RBM34: variants seen among roughly 807,000 people sequenced by gnomAD.
RBM34 encodes RNA-binding protein 34.
Under a neutral mutation model 44.6 loss-of-function variants are expected in RBM34, and 39 were observed. The ratio of observed to expected loss-of-function variants is 0.87; its 90% CI spans 0.68 to 1.14. The LOEUF is 1.14. RBM34 is among the 50% of genes most tolerant of loss of function. RBM34 has a pLI of 0.00. For missense variants in RBM34, 572 were observed against 517.9 expected (o/e 1.10, Z -1.01); for synonymous variants, 194 against 184.0 (o/e 1.05, Z -0.44).
At chr1:235,145,161 T>G (rs1661849589) in intron 6 of RBM34, among the ~76,000 whole-genome samples, 1 of 151,880 alleles carries the variant, frequency 6.6e-6, no homozygotes, top group Non-Finnish European at 1.5e-5. Flanking sequence ...GACTAATAAT[T>G]CAAATAAAAG....
Position 235,156,614 on chromosome 1 carries a change from G to A in RBM34, c.366-1502C>T, listed in dbSNP as rs772167093. On this transcript the variant is annotated intron_variant, in intron 3 of 10. Coordinates refer to ENST00000408888, the MANE Select transcript of RBM34 (RefSeq NM_015014.4). ...TCTTACCAAAAGTAAATTGTGAAACGGTAAATACAATATAAAGTATTGCTG... is the reference window on the plus strand; with the variant it reads ...TCTTACCAAAAGTAAATTGTGAAACAGTAAATACAATATAAAGTATTGCTG... The A allele has an allele frequency of 4.8e-5, 22 of 454,188 alleles. 1 individual carries two copies. Among genetic ancestry groups the A allele is most frequent in the South Asian group, 2.3e-4 (14 of 60,870 alleles). 28.1% of individuals were successfully genotyped at this position (454,188 alleles called of 1,614,324 possible). A position where few individuals can be genotyped will look rare whatever the true frequency, so the allele number is the denominator to read the frequency against.
chr1:235,149,685 T>C (rs1572159818), intron 5 of RBM34, among the ~76,000 whole-genome samples: 2 of 152,066 alleles, frequency 1.3e-5, no homozygotes, highest in Admixed American at 6.6e-5. Context: ...GAGGCAGAAA[T>C]ACACGTCAAC....
chr1:235,134,588 T>C (rs890023035), intron 10 of RBM34, among the ~76,000 whole-genome samples: 25 of 152,186 alleles, frequency 1.6e-4, no homozygotes, highest in African/African-American at 5.3e-4. Context: ...ATTTACTCTA[T>C]CATACAGAAG....
At position 235,160,940 on chromosome 1, in the gene RBM34, T is replaced by C; in HGVS notation, c.181A>G (p.Ser61Gly). Reference protein sequence around the residue: ...GGTGRLASLFSSLEPQIQPVY... With the variant: ...GGTGRLASLFGSLEPQIQPVY... Reference sequence around the variant, plus strand: ...GGTTGAATCTGGGGCTCCAGAGAACTGAAGAGGGACGCCAGCCGACCGGTG... The same window carrying C: ...GGTTGAATCTGGGGCTCCAGAGAACCGAAGAGGGACGCCAGCCGACCGGTG... The change falls in exon 2 of 11, where the codon AGT (serine) becomes GGT (glycine). Residue 61 changes from serine (S) to glycine (G), a missense_variant. By Grantham distance (56) the Ser-to-Gly change is moderately conservative. Transcript: ENST00000408888. The C allele has an allele frequency of 1.9e-6, 3 of 1,614,102 alleles. No homozygotes were observed. The highest frequency in any genetic ancestry group is 2.5e-6 in the Non-Finnish European group (3 of 1,180,012).
intron 6 of RBM34, among the ~76,000 whole-genome samples, chr1:235,146,752 C>A (rs1369369437): frequency 6.6e-6 from 1 of 152,132 alleles, no homozygotes; most frequent in Non-Finnish European, 1.5e-5. Flanking sequence ...TCCCAAGTAG[C>A]TGGGACTACA....
intron 6 of RBM34, among the ~76,000 whole-genome samples, chr1:235,140,384 G>A (rs957594165): frequency 1.1e-4 from 16 of 152,074 alleles, no homozygotes; most frequent in African/African-American, 2.9e-4. Flanking sequence ...CGGAGCAGCC[G>A]GCCGGCCCTG....
chr1:235,146,518 T>G (rs1264501778), intron 6 of RBM34, among the ~76,000 whole-genome samples: 2 of 152,154 alleles, frequency 1.3e-5, no homozygotes, highest in African/African-American at 4.8e-5. Flanking sequence ...TGCGTATCAG[T>G]TTTTAAATGC....
At chr1:235,159,257 G>C (rs894343103) in intron 3 of RBM34, among the ~76,000 whole-genome samples, 4 of 149,408 alleles carry the variant, frequency 2.7e-5, no homozygotes, top group Admixed American at 1.3e-4. Flanking sequence ...ATAAATTTAA[G>C]AACACCAAAC....
intron 6 of RBM34, among the ~76,000 whole-genome samples, chr1:235,144,938 TAGGCTGAGGC>T (rs1661840525): frequency 6.6e-6 from 1 of 151,780 alleles, no homozygotes; most frequent in Admixed American, 6.6e-5. Context: ...AGCTACTCAG[TAGGCTGAGGC>T]AGGAGAATCA....
intron 2 of RBM34, 94 bp downstream of exon 2, chr1:235,160,799 C>T: frequency 3.2e-6 from 5 of 1,541,176 alleles, no homozygotes; most frequent in South Asian, 1.2e-5. Flanking sequence ...TGTCTGCCCC[C>T]TTTAGAAATC....
rs778305814 is a variant in RBM34, at chr1:235,137,941, C to T, written c.786-1G>A. ...TCCATCTGCAATCTGGGCCCCATTTCTGTATTATAAATACAAAGGGAAAAT... is the reference window on the plus strand; with the variant it reads ...TCCATCTGCAATCTGGGCCCCATTTTTGTATTATAAATACAAAGGGAAAAT... On this transcript the variant is annotated splice_acceptor_variant, in intron 7 of 10. Transcript: ENST00000408888. LOFTEE classifies it high-confidence loss of function. The T allele has an allele frequency of 1.0e-5, 16 of 1,601,194 alleles. No homozygotes were observed. The highest frequency in any genetic ancestry group is 1.7e-5 in the Admixed American group (1 of 59,612).
At chr1:235,133,204 T>TG (rs148889312) in intron 10 of RBM34, among the ~76,000 whole-genome samples, 24,898 of 152,078 alleles carry the variant, frequency 0.16, 2,293 homozygotes, top group African/African-American at 0.23. Flanking sequence ...TAGCCAGACA[T>TG]GTGGCACACA....
At chr1:235,160,292 G>C (rs1301340825) in intron 3 of RBM34, 1 of 697,520 alleles carries the variant, frequency 1.4e-6, no homozygotes, top group Non-Finnish European at 2.6e-6. Flanking sequence ...ATATGAGTGG[G>C]GTAAAAATAC....
chr1:235,145,264 C>T (rs1661853022), intron 6 of RBM34, among the ~76,000 whole-genome samples: 1 of 149,998 alleles, frequency 6.7e-6, no homozygotes, highest in South Asian at 2.1e-4. Context: ...CCAACAACCA[C>T]AAAGCTCAAA....
intron 3 of RBM34, among the ~76,000 whole-genome samples, chr1:235,159,269 C>T (rs1012278780): frequency 1.5e-4 from 22 of 151,362 alleles, no homozygotes; most frequent in African/African-American, 5.1e-4. Flanking sequence ...ACACCAAACT[C>T]GGCCAGGTGT....
chr1:235,151,723 G>C (rs1486528245), intron 5 of RBM34, among the ~76,000 whole-genome samples: 1 of 152,078 alleles, frequency 6.6e-6, no homozygotes, highest in African/African-American at 2.4e-5. Context: ...AGAATCACAT[G>C]AGAAAGAGCA....
At position 235,146,894 on chromosome 1, in the gene RBM34, T is replaced by A. The variant is rs370365678; in HGVS notation, c.701+1510A>T. 5.9e-5 allele frequency among the ~76,000 whole-genome samples: 9 copies of A among 152,322 alleles called. No individual in the cohort carries two copies. In the South Asian group the frequency reaches 1.9e-3, roughly 32 times the overall value. The stretch of plus-strand genomic sequence containing the variant: ...CCTCGGCCTCCCAAAGTGCTGGGAT[T>A]ACAGGTGTGAGCCACCACAGCCAGC... On this transcript the variant is annotated intron_variant, in intron 6 of 10. Coordinates refer to ENST00000408888, the MANE Select transcript of RBM34 (RefSeq NM_015014.4).
At chr1:235,142,926 CAAAAAAAA>C (rs34015202) in intron 6 of RBM34, among the ~76,000 whole-genome samples, 1 of 66,250 alleles carries the variant, frequency 1.5e-5, no homozygotes, top group Admixed American at 1.7e-4. Context: ...GGATCCATCT[CAAAAAAAA>C]AAAAAAAAAA....
intron 10 of RBM34, among the ~76,000 whole-genome samples, chr1:235,134,426 G>C (rs1393568879): frequency 6.6e-6 from 1 of 152,158 alleles, no homozygotes; most frequent in Admixed American, 6.5e-5. Flanking sequence ...CCTCCAAAGT[G>C]CTGGGATTAC....
Sources: gnomAD v4.1 joint callset for allele counts (sites outside exome capture counted in the v4.1 genomes callset) on GRCh38, gnomAD v4.1.1 for gene constraint, MANE v1.5 for transcripts, NCBI Gene and HGNC (gene_info 2026-07-23, HGNC 2026-07-21) for gene names.